RARB: variants seen among roughly 807,000 people sequenced by gnomAD.
RARB encodes retinoic acid receptor beta.
RARB carries 17 observed loss-of-function variants against 51.9 expected under a neutral mutation model. The observed-to-expected ratio is 0.33, with a 90% CI of 0.22 to 0.49. The LOEUF is 0.49. Ranked by LOEUF, RARB falls within the 20% of genes least tolerant of loss-of-function variation. RARB has a pLI of 0.99. For missense variants in RARB, 369 were observed against 550.8 expected, an observed-to-expected ratio of 0.67 and a Z score of 3.30; for synonymous variants, 215 against 195.4, an observed-to-expected ratio of 1.10 and a Z score of -0.84.
At chr3:25,312,748 T>C (rs1704319934) in intron 5 of RARB, among the ~76,000 whole-genome samples, 1 of 152,218 alleles carries the variant, frequency 6.6e-6, no homozygotes, top group Non-Finnish European at 1.5e-5. Flanking sequence ...ACCTCTGTTT[T>C]ACAATCTGCA....
At chr3:25,056,895 G>A (rs767862799) in intron 2 of RARB, among the ~76,000 whole-genome samples, 6 of 151,970 alleles carry the variant, frequency 3.9e-5, no homozygotes, top group East Asian at 3.9e-4. Flanking sequence ...CGAGTGACTC[G>A]CTAAAGTCTG....
intron 3 of RARB, among the ~76,000 whole-genome samples, chr3:25,119,991 C>T (rs1253137670): frequency 6.6e-6 from 1 of 152,016 alleles, no homozygotes; most frequent in Non-Finnish European, 1.5e-5. Context: ...GTTTAGAGTG[C>T]CCCCCAGCTC....
chr3:25,334,628 T>C (rs569688790), intron 5 of RARB, among the ~76,000 whole-genome samples: 2 of 152,082 alleles, frequency 1.3e-5, no homozygotes, highest in Admixed American at 6.5e-5. Context: ...TGTATACATA[T>C]GTAACAAACC....
chr3:25,444,873 G>A (rs894001771), intron 1 of RARB, among the ~76,000 whole-genome samples: 1 of 152,162 alleles, frequency 6.6e-6, no homozygotes, highest in Admixed American at 6.5e-5. Context: ...CAGGAGGTGA[G>A]GTGTATTGAG....
chr3:25,191,720 C>G (rs888214301), intron 5 of RARB, among the ~76,000 whole-genome samples: 1 of 152,060 alleles, frequency 6.6e-6, no homozygotes, highest in Non-Finnish European at 1.5e-5. Context: ...TGGCACCTCC[C>G]AAACCAGAAA....
At chr3:25,272,066 C>A (rs1703268417) in intron 5 of RARB, among the ~76,000 whole-genome samples, 2 of 152,186 alleles carry the variant, frequency 1.3e-5, no homozygotes, top group Non-Finnish European at 2.9e-5. Flanking sequence ...CTTAGTCAAG[C>A]TGGCAATATT....
chr3:25,583,510 C>A (rs73151335), intron 5 of RARB, among the ~76,000 whole-genome samples: 19 of 152,328 alleles, frequency 1.2e-4, no homozygotes, highest in Admixed American at 5.9e-4. Flanking sequence ...TCCAACTGCA[C>A]GCCTGCCAGG....
chr3:25,581,523 G>C (rs997694998), intron 5 of RARB, among the ~76,000 whole-genome samples: 2 of 152,210 alleles, frequency 1.3e-5, no homozygotes, highest in Admixed American at 1.3e-4. Flanking sequence ...GCAGTAGCGT[G>C]AGCAGGGCAG....
intron 5 of RARB, among the ~76,000 whole-genome samples, chr3:25,362,244 C>T (rs1349024930): frequency 1.3e-5 from 2 of 152,184 alleles, no homozygotes; most frequent in East Asian, 1.9e-4. Flanking sequence ...AAGCTGCAGT[C>T]GGCTCTGCCC....
chr3:25,078,715 G>A (rs1698927707), intron 3 of RARB, among the ~76,000 whole-genome samples: 1 of 152,040 alleles, frequency 6.6e-6, no homozygotes. Flanking sequence ...ATTTTTAGTA[G>A]AGAAATGGTT....
At chr3:25,569,262 A>C (rs1479551338) in intron 3 of RARB, among the ~76,000 whole-genome samples, 1 of 152,264 alleles carries the variant, frequency 6.6e-6, no homozygotes. Context: ...CTCCTCTCAG[A>C]TGAGTTTCTT....
chr3:25,151,100 G>C (rs1209299570), intron 4 of RARB, among the ~76,000 whole-genome samples: 1 of 152,118 alleles, frequency 6.6e-6, no homozygotes, highest in African/African-American at 2.4e-5. Flanking sequence ...CTTTTTTATG[G>C]AGATAAAGCT....
At chr3:25,456,414 A>G (rs1668547315) in intron 1 of RARB, among the ~76,000 whole-genome samples, 1 of 152,160 alleles carries the variant, frequency 6.6e-6, no homozygotes, top group Non-Finnish European at 1.5e-5. Flanking sequence ...TTGCTACCTT[A>G]CCAAAAAGGC....
In RARB at chr3:25,111,284, A is replaced by G. The variant is rs564501717; in HGVS notation, c.-327-20877A>G. Among the ~76,000 whole-genome samples the G allele has an allele frequency of 2.5e-4, 38 of 152,338 alleles. No individual in the cohort carries two copies. In the South Asian group the frequency reaches 6.8e-3, roughly 27 times the overall value. ...TCAATCATATTTGAGAGTCAAAATAATATTTAATTTCAAAAATTAATTACC... is the reference window on the plus strand; with the variant it reads ...TCAATCATATTTGAGAGTCAAAATAGTATTTAATTTCAAAAATTAATTACC... On this transcript the variant is annotated intron_variant, in intron 3 of 11. Coordinates refer to the RARB transcript ENST00000383772.
chr3:25,306,245 C>T (rs953624967), intron 5 of RARB, among the ~76,000 whole-genome samples: 2 of 152,120 alleles, frequency 1.3e-5, no homozygotes, highest in East Asian at 3.9e-4. Context: ...GTATTCCTGT[C>T]CTCTCCGTGA....
chr3:24,901,534 C>T (rs111434032), intron 2 of RARB, among the ~76,000 whole-genome samples: 15 of 152,148 alleles, frequency 9.9e-5, no homozygotes, highest in South Asian at 2.1e-4. Context: ...TGCCACTGGG[C>T]GCAGTTCAGG....
At chr3:25,392,014 A>G (rs903560582) in intron 5 of RARB, among the ~76,000 whole-genome samples, 1 of 152,104 alleles carries the variant, frequency 6.6e-6, no homozygotes, top group Non-Finnish European at 1.5e-5. Flanking sequence ...TAGAATTTTT[A>G]TCGTTCCAGG....
intron 3 of RARB, among the ~76,000 whole-genome samples, chr3:25,506,609 C>T (rs1043236602): frequency 3.3e-5 from 5 of 152,234 alleles, no homozygotes; most frequent in Non-Finnish European, 7.3e-5. Flanking sequence ...GAGCAAGACC[C>T]TGTCTCACAA....
At chr3:25,387,489 G>A (rs1280173731) in intron 5 of RARB, among the ~76,000 whole-genome samples, 1 of 152,152 alleles carries the variant, frequency 6.6e-6, no homozygotes, top group Non-Finnish European at 1.5e-5. Context: ...TCTATGTTGT[G>A]TACGCAATCA....
Sources: gnomAD v4.1 joint callset for allele counts (sites outside exome capture counted in the v4.1 genomes callset) on GRCh38, gnomAD v4.1.1 for gene constraint, MANE v1.5 for transcripts, NCBI Gene and HGNC (gene_info 2026-07-23, HGNC 2026-07-21) for gene names.